Variants in NCOA1 observed in about 807,000 individuals in gnomAD.
The protein encoded by NCOA1 is nuclear receptor coactivator 1.
In NCOA1, 35 loss-of-function variants were observed where a neutral mutation model predicts 150.9. The ratio of observed to expected loss-of-function variants is 0.23; its 90% CI spans 0.18 to 0.31. The LOEUF is 0.31. Ranked by LOEUF, NCOA1 falls within the 10% of genes least tolerant of loss-of-function variation. NCOA1 has a pLI of 1.00. For missense variants in NCOA1, 1,491 were observed against 1,749.3 expected (o/e 0.85, Z 2.63); for synonymous variants, 590 against 630.0 (o/e 0.94, Z 0.95).
intron 3 of NCOA1, among the ~76,000 whole-genome samples, chr2:24,639,927 TA>T (rs1472183450): frequency 8.2e-5 from 1 of 12,198 alleles, no homozygotes; most frequent in African/African-American, 2.4e-4. Flanking sequence ...TATATATATA[TA>T]TATATATATA....
chr2:24,548,395 G>C (rs1257504199), intron 1 of NCOA1, among the ~76,000 whole-genome samples: 2 of 152,228 alleles, frequency 1.3e-5, no homozygotes, highest in Non-Finnish European at 2.9e-5. Context: ...TTCCCACAAC[G>C]TGGGAATTCA....
At chr2:24,500,434 G>T (rs114670726) in intron 1 of NCOA1, among the ~76,000 whole-genome samples, 1 of 152,120 alleles carries the variant, frequency 6.6e-6, no homozygotes, top group East Asian at 1.9e-4. Context: ...TAAATTATCC[G>T]CAAAATGGAA....
intron 3 of NCOA1, among the ~76,000 whole-genome samples, chr2:24,612,448 C>T (rs890734183): frequency 2.0e-5 from 3 of 152,124 alleles, no homozygotes; most frequent in Non-Finnish European, 2.9e-5. Flanking sequence ...TTGCAAGATT[C>T]GGGAAATTTT....
intron 3 of NCOA1, among the ~76,000 whole-genome samples, chr2:24,595,901 A>G (rs371299235): frequency 3.0e-4 from 45 of 152,128 alleles, no homozygotes; most frequent in African/African-American, 9.4e-4. Context: ...TTTGCTGTAT[A>G]TGGTGTATGT....
chr2:24,543,681 A>G (rs550511544), intron 1 of NCOA1, among the ~76,000 whole-genome samples: 7 of 152,204 alleles, frequency 4.6e-5, no homozygotes, highest in South Asian at 2.1e-4. Context: ...ATCTGAATTG[A>G]GACAAGAAGA....
chr2:24,683,460 G>A (rs1306494549), intron 8 of NCOA1, among the ~76,000 whole-genome samples: 2 of 152,178 alleles, frequency 1.3e-5, no homozygotes, highest in South Asian at 2.1e-4. Flanking sequence ...AAGAGAGGGA[G>A]TGAGAAGGAG....
intron 1 of NCOA1, among the ~76,000 whole-genome samples, chr2:24,492,477 C>T (rs72803256): frequency 0.052 from 7,897 of 152,222 alleles, 288 homozygotes; most frequent in East Asian, 0.2. Flanking sequence ...ACTGCCCAGT[C>T]TGACGACGTT....
chr2:24,622,152 C>T lies in NCOA1; in HGVS notation c.-174-21814C>T, dbSNP rs139321037. On this transcript the variant is annotated intron_variant, in intron 3 of 22. Transcript: ENST00000348332. ...ACCTCCAGTATAGCCAGTTAGTATA[C>T]AGGAATTTGACCTAAATAAGAACTG... 3.3e-5 allele frequency among the ~76,000 whole-genome samples: 5 copies of T among 152,324 alleles called. No homozygotes were observed. The East Asian group carries it at 7.7e-4, about 24-fold the overall frequency.
At chr2:24,584,870 T>C (rs1032309116) in intron 3 of NCOA1, among the ~76,000 whole-genome samples, 6 of 152,244 alleles carry the variant, frequency 3.9e-5, no homozygotes, top group Admixed American at 1.3e-4. Context: ...TTACAGGCTT[T>C]GTTTCTCTTT....
chr2:24,606,225 T>TTTA (rs1200134278), intron 3 of NCOA1, among the ~76,000 whole-genome samples: 3 of 150,880 alleles, frequency 2.0e-5, no homozygotes, highest in Non-Finnish European at 4.4e-5. Flanking sequence ...TTTTTTTATT[T>TTTA]TTATCATTAT....
At chr2:24,735,988 A>T (rs1262822738) in intron 17 of NCOA1, among the ~76,000 whole-genome samples, 2 of 152,056 alleles carry the variant, frequency 1.3e-5, no homozygotes, top group Non-Finnish European at 2.9e-5. Context: ...TTGGGAGGCC[A>T]AGGCAGGTGG....
chr2:24,563,694 T>A (rs1278250015), intron 1 of NCOA1, among the ~76,000 whole-genome samples: 4 of 152,142 alleles, frequency 2.6e-5, no homozygotes, highest in Non-Finnish European at 5.9e-5. Context: ...ATTTTTGTAA[T>A]TTTTGTAGAA....
chr2:24,742,629 G>GTT (rs112367907), intron 19 of NCOA1, among the ~76,000 whole-genome samples: 111 of 137,078 alleles, frequency 8.1e-4, no homozygotes, highest in African/African-American at 2.4e-3. Context: ...GCTAATTTTT[G>GTT]TTTTTTTTTT....
chr2:24,680,430 A>G (rs1672111387), intron 7 of NCOA1, among the ~76,000 whole-genome samples: 1 of 152,204 alleles, frequency 6.6e-6, no homozygotes, highest in Admixed American at 6.5e-5. Context: ...CTGCCACAAT[A>G]TGTATGAACC....
chr2:24,714,097 CCTT>C (rs1007141949), intron 14 of NCOA1, among the ~76,000 whole-genome samples: 24 of 152,240 alleles, frequency 1.6e-4, no homozygotes, highest in African/African-American at 5.3e-4. Context: ...AGTCGGTAGA[CCTT>C]CTTGAACATC....
chr2:24,630,464 T>G (rs573407072), intron 3 of NCOA1, among the ~76,000 whole-genome samples: 66 of 152,366 alleles, frequency 4.3e-4, no homozygotes, highest in African/African-American at 1.6e-3. Flanking sequence ...TTATAAACAT[T>G]GTTAGCATGA....
chr2:24,622,859 C>CA (rs368660114), intron 3 of NCOA1, among the ~76,000 whole-genome samples: 47 of 152,090 alleles, frequency 3.1e-4, no homozygotes, highest in African/African-American at 1.1e-3. Context: ...ATTGAGGTGT[C>CA]ACATAAAAGA....
rs1165182924 is a variant in NCOA1 at position 24,769,832 on chromosome 2, AG to A, written c.*1442del. ...AAGGTATTGTGGAAGAAGCAAAGGT[AG>A]ACCCCCATCACTCACCTTTGTCTGC... On this transcript the variant is annotated 3_prime_UTR_variant, in exon 23 of 23. Transcript: ENST00000348332. 7 of 223,440 alleles carry A rather than the reference AG, an allele frequency of 3.1e-5. No individual in the cohort carries two copies. The East Asian group carries it at 4.6e-4, about 15-fold the overall frequency. 13.8% of individuals were successfully genotyped at this position (223,440 alleles called of 1,614,324 possible). A position where few individuals can be genotyped will look rare whatever the true frequency, so the allele number is the denominator to read the frequency against.
chr2:24,766,520 T>G (rs887144583), intron 22 of NCOA1, among the ~76,000 whole-genome samples: 4 of 151,880 alleles, frequency 2.6e-5, no homozygotes, highest in Non-Finnish European at 4.4e-5. Flanking sequence ...GACAGAAATA[T>G]AAAGACAGAT....
Sources: gnomAD v4.1 joint callset for allele counts (sites outside exome capture counted in the v4.1 genomes callset) on GRCh38, gnomAD v4.1.1 for gene constraint, MANE v1.5 for transcripts, NCBI Gene and HGNC (gene_info 2026-07-23, HGNC 2026-07-21) for gene names.